The following ZNF385C variants were observed in gnomAD, a reference collection of about 807,000 sequenced individuals.
The protein encoded by ZNF385C is CTD-2132N18.2.
In ZNF385C, 28 loss-of-function variants were observed where a neutral mutation model predicts 35.4. That is an observed-to-expected ratio of 0.79 (90% confidence interval 0.59 to 1.08). The LOEUF is 1.08. Among genes scored for constraint, ZNF385C ranks in the 50% least tolerant of loss-of-function variants. The pLI, the probability that ZNF385C is intolerant of heterozygous loss-of-function variation, is 0.00. For synonymous variants in ZNF385C, 248 were observed against 248.2 expected (o/e 1.00, Z 0.01); for missense variants, 605 against 595.6 (o/e 1.02, Z -0.16).
chr17:42,093,585 A>T (rs868916554), intron 1 of ZNF385C, among the ~76,000 whole-genome samples: 1,910 of 143,240 alleles, frequency 0.013, 32 homozygotes, highest in African/African-American at 0.046. Flanking sequence ...TATTTTATTT[A>T]TTTTTTTTTT....
intron 1 of ZNF385C, among the ~76,000 whole-genome samples, chr17:42,089,950 A>G (rs1555660381): frequency 6.6e-6 from 1 of 152,240 alleles, no homozygotes; most frequent in Non-Finnish European, 1.5e-5. Flanking sequence ...CAGGGTTAGT[A>G]TGTTTTGGTT....
chr17:42,085,596 A>ATTTT (rs781825380), intron 1 of ZNF385C, among the ~76,000 whole-genome samples: 1 of 107,636 alleles, frequency 9.3e-6, no homozygotes, highest in African/African-American at 3.6e-5. Context: ...TCTGCAAAAC[A>ATTTT]TTTTTTTTTT....
At chr17:42,040,271 C>A in intron 2 of ZNF385C, 1 of 1,231,644 alleles carries the variant, frequency 8.1e-7, no homozygotes, top group Non-Finnish European at 1.0e-6. Context: ...CGGAGCCACT[C>A]CAAGCCCCGG....
intron 1 of ZNF385C, among the ~76,000 whole-genome samples, chr17:42,094,637 G>C (rs1025619463): frequency 4.6e-5 from 7 of 152,172 alleles, no homozygotes; most frequent in African/African-American, 1.4e-4. Flanking sequence ...AGGAGGCGCA[G>C]GGCCAGACAC....
At chr17:42,092,926 G>A (rs1191265307) in intron 1 of ZNF385C, among the ~76,000 whole-genome samples, 1 of 152,024 alleles carries the variant, frequency 6.6e-6, no homozygotes, top group East Asian at 1.9e-4. Context: ...GGGGGGCGGG[G>A]GTCCGGGGAA....
At chr17:42,029,644 G>A (rs1364261726) in intron 5 of ZNF385C, among the ~76,000 whole-genome samples, 1 of 151,472 alleles carries the variant, frequency 6.6e-6, no homozygotes, top group African/African-American at 2.4e-5. Flanking sequence ...AACCTGCAAG[G>A]TGGAGGTTAC....
intron 1 of ZNF385C, among the ~76,000 whole-genome samples, chr17:42,097,769 C>G (rs1555661078): frequency 1.3e-5 from 2 of 152,198 alleles, no homozygotes; most frequent in Non-Finnish European, 2.9e-5. Context: ...TGCAATAAGG[C>G]CACATCTGCG....
At chr17:42,045,973 T>C (rs959967191) in intron 2 of ZNF385C, among the ~76,000 whole-genome samples, 3 of 152,178 alleles carry the variant, frequency 2.0e-5, no homozygotes, top group African/African-American at 4.8e-5. Flanking sequence ...CACCAAGCTG[T>C]TACTTTGTCC....
chr17:42,085,790 G>T (rs1273729940), intron 1 of ZNF385C, among the ~76,000 whole-genome samples: 1 of 151,418 alleles, frequency 6.6e-6, no homozygotes, highest in African/African-American at 2.4e-5. Context: ...GTAGAGATGG[G>T]TTTTCACCAT....
chr17:42,081,360 G>A (rs2053747115), intron 1 of ZNF385C, among the ~76,000 whole-genome samples: 1 of 152,046 alleles, frequency 6.6e-6, no homozygotes, highest in Admixed American at 6.6e-5. Flanking sequence ...AGCAGCCTTG[G>A]AAAATTCTGA....
At chr17:42,077,727 C>T (rs1455946034) in intron 1 of ZNF385C, among the ~76,000 whole-genome samples, 6 of 152,134 alleles carry the variant, frequency 3.9e-5, no homozygotes, top group African/African-American at 7.2e-5. Flanking sequence ...GGACGGGTGG[C>T]GTCATTCTGG....
At chr17:42,054,637 AG>A (rs1555657406) in intron 2 of ZNF385C, among the ~76,000 whole-genome samples, 1 of 149,474 alleles carries the variant, frequency 6.7e-6, no homozygotes, top group Non-Finnish European at 1.5e-5. Context: ...GCTGGAGTGC[AG>A]TGGCAAGATC....
chr17:42,060,593 G>T (rs1244902319), intron 2 of ZNF385C, among the ~76,000 whole-genome samples: 1 of 148,160 alleles, frequency 6.7e-6, no homozygotes, highest in East Asian at 1.9e-4. Flanking sequence ...AGAGCCATGG[G>T]CTTGCAGGCC....
chr17:42,061,207 A>ATTTTTTTTTTTT (rs10617911), intron 2 of ZNF385C: 2 of 57,508 alleles, frequency 3.5e-5, no homozygotes, highest in African/African-American at 1.3e-4. Context: ...TAATGAGTTA[A>ATTTTTTTTTTTT]TTTTTTTTTT....
chr17:42,062,924 A>T lies in ZNF385C; in HGVS notation c.133T>A (p.Cys45Ser), dbSNP rs2143847795. 1.4e-6 allele frequency: 1 copy of T among 696,482 alleles called. No individual in the cohort carries two copies. The highest frequency in any genetic ancestry group is 1.5e-5 in the South Asian group (1 of 66,780). The allele number at this position is 696,482 out of a possible 1,614,324, so 43.1% of individuals were successfully genotyped here. Residue 45 changes from cysteine to serine, a missense_variant, in exon 2 of 9, where the codon TGT becomes AGT. By Grantham distance (112) the Cys-to-Ser change is moderately radical. Coordinates refer to ENST00000692273, the MANE Select transcript of ZNF385C (RefSeq NM_001392013.1). The stretch of plus-strand genomic sequence containing the variant: ...TTCAGCTGGATGTTGCAGACATCAC[A>T]GAGCGTGTACGATGGCCGCTTTCTT... ...RERKRPSYTLCDVCNIQLNSA... is the reference protein window; with the variant it reads ...RERKRPSYTLSDVCNIQLNSA...
rs2052731091 is a variant in ZNF385C at position 42,031,642 on chromosome 17, G to T, written c.653C>A (p.Ala218Asp). 6.4e-7 allele frequency: 1 copy of T among 1,550,518 alleles called. No homozygotes were observed. The highest frequency in any genetic ancestry group is 8.7e-7 in the Non-Finnish European group (1 of 1,147,008). The change falls in exon 5 of 9, where the codon GCC (alanine) becomes GAC (aspartate). Residue 218 changes from alanine (A) to aspartate (D), a missense_variant. Coordinates refer to ENST00000692273, the MANE Select transcript of ZNF385C (RefSeq NM_001392013.1). ...ACCTTTACTCTGTGGCTCTCCAGGG[G>T]CTCCACTGGCCAGCGTTGGGATTGG... Reference protein sequence around the residue: ...VSPIPTLASGAPGEPQSKVPA... With the variant: ...VSPIPTLASGDPGEPQSKVPA...
chr17:42,081,192 C>A (rs1360109661), intron 1 of ZNF385C, among the ~76,000 whole-genome samples: 2 of 152,080 alleles, frequency 1.3e-5, no homozygotes, highest in African/African-American at 4.8e-5. Flanking sequence ...TGGGCGCAGA[C>A]AATAAGCAGA....
intron 2 of ZNF385C, chr17:42,039,929 C>T: frequency 3.2e-6 from 4 of 1,231,206 alleles, no homozygotes; most frequent in African/African-American, 1.6e-5. Flanking sequence ...AAAGCCAAGG[C>T]GGCTAGGGCG....
chr17:42,064,073 TACACACACACACACACACACAC>T (rs55771386), intron 1 of ZNF385C, among the ~76,000 whole-genome samples: 10 of 129,834 alleles, frequency 7.7e-5, no homozygotes, highest in Middle Eastern at 3.9e-3. Context: ...CACACGCACA[TACACACACACACACACACACAC>T]ACACACACAC....
Sources: gnomAD v4.1 joint callset for allele counts (sites outside exome capture counted in the v4.1 genomes callset) on GRCh38, gnomAD v4.1.1 for gene constraint, MANE v1.5 for transcripts, NCBI Gene and HGNC (gene_info 2026-07-23, HGNC 2026-07-21) for gene names.